Variants in PPARGC1A observed in about 807,000 individuals in gnomAD.
The protein encoded by PPARGC1A is peroxisome proliferator-activated receptor gamma coactivator 1-alpha.
A neutral mutation model predicts 88.7 loss-of-function variants in PPARGC1A; 25 were observed. The observed-to-expected ratio is 0.28, with a 90% CI of 0.21 to 0.39. The LOEUF is 0.39. PPARGC1A is among the 10% of genes least tolerant of loss of function. PPARGC1A has a pLI of 1.00. For missense variants in PPARGC1A, 880 were observed against 968.7 expected (o/e 0.91, Z 1.22); for synonymous variants, 363 against 355.6 (o/e 1.02, Z -0.24).
chr4:24,267,417 C>T, the PPARGC1A span, among the ~76,000 whole-genome samples: 1 of 152,166 alleles, frequency 6.6e-6, no homozygotes, highest in Non-Finnish European at 1.5e-5. Flanking sequence ...AGGTTCCTTC[C>T]CCTTCCCTTT....
At chr4:23,818,442 T>C (rs1034144799) in intron 7 of PPARGC1A, among the ~76,000 whole-genome samples, 54 of 152,302 alleles carry the variant, frequency 3.5e-4, no homozygotes, top group African/African-American at 1.2e-3. Flanking sequence ...AAATGGCTGC[T>C]ATTACCCAGA....
chr4:24,392,783 T>A, the PPARGC1A span, among the ~76,000 whole-genome samples: 1 of 152,266 alleles, frequency 6.6e-6, no homozygotes, highest in East Asian at 1.9e-4. Context: ...TCTGCACACT[T>A]TCCCGTTGCC....
the PPARGC1A span, among the ~76,000 whole-genome samples, chr4:24,274,026 A>G: frequency 6.6e-6 from 1 of 151,732 alleles, no homozygotes; most frequent in Non-Finnish European, 1.5e-5. Context: ...GGAGTGAGCC[A>G]CCGTGCCTGG....
the PPARGC1A span, among the ~76,000 whole-genome samples, chr4:24,245,073 C>A: frequency 6.6e-6 from 1 of 152,162 alleles, no homozygotes; most frequent in Non-Finnish European, 1.5e-5. Context: ...TAGAAACTGA[C>A]AATCTGCAGT....
At chr4:24,041,341 C>T in the PPARGC1A span, among the ~76,000 whole-genome samples, 1 of 152,316 alleles carries the variant, frequency 6.6e-6, no homozygotes, top group African/African-American at 2.4e-5. Flanking sequence ...CCAAAGGCTA[C>T]ACTCCTGAAG....
At chr4:23,950,854 T>C in the PPARGC1A span, among the ~76,000 whole-genome samples, 6 of 152,246 alleles carry the variant, frequency 3.9e-5, no homozygotes, top group East Asian at 7.7e-4. Context: ...CACTTACTGG[T>C]CTAATTTTAC....
chr4:24,026,081 C>T, the PPARGC1A span, among the ~76,000 whole-genome samples: 1 of 152,108 alleles, frequency 6.6e-6, no homozygotes, highest in African/African-American at 2.4e-5. Flanking sequence ...AAATATTTTA[C>T]CTAAAATGAA....
At chr4:24,341,197 T>C in the PPARGC1A span, among the ~76,000 whole-genome samples, 1 of 150,310 alleles carries the variant, frequency 6.7e-6, no homozygotes, top group South Asian at 2.1e-4. Context: ...ACTTTAGCAA[T>C]TAAAAACTTA....
the PPARGC1A span, among the ~76,000 whole-genome samples, chr4:24,280,940 C>T: frequency 2.0e-5 from 3 of 152,194 alleles, no homozygotes; most frequent in African/African-American, 7.2e-5. Context: ...AAGTAATATA[C>T]AACTGAATCA....
chr4:24,309,794 A>G, the PPARGC1A span, among the ~76,000 whole-genome samples: 1 of 152,208 alleles, frequency 6.6e-6, no homozygotes, highest in Non-Finnish European at 1.5e-5. Context: ...CTGCGTGATG[A>G]ATAGTTTGAA....
chr4:24,092,530 C>A, the PPARGC1A span, among the ~76,000 whole-genome samples: 2 of 152,146 alleles, frequency 1.3e-5, no homozygotes, highest in Non-Finnish European at 2.9e-5. Context: ...CTGATGTAAT[C>A]ACTCATCTGA....
the PPARGC1A span, among the ~76,000 whole-genome samples, chr4:24,144,933 G>GT: frequency 1.4e-3 from 210 of 145,276 alleles, 2 homozygotes; most frequent in East Asian, 8.3e-3. Context: ...AACATTTCAG[G>GT]TTTTTTTTTT....
the PPARGC1A span, among the ~76,000 whole-genome samples, chr4:24,044,311 T>G: frequency 6.6e-6 from 1 of 152,206 alleles, no homozygotes; most frequent in African/African-American, 2.4e-5. Flanking sequence ...ATCCTTCGTC[T>G]TTTAAAAGAC....
chr4:23,855,971 A>T (rs1320292216), intron 2 of PPARGC1A, among the ~76,000 whole-genome samples: 16 of 152,258 alleles, frequency 1.1e-4, no homozygotes, highest in Admixed American at 9.8e-4. Flanking sequence ...GTAGACACTT[A>T]ATAAACAATA....
the PPARGC1A span, among the ~76,000 whole-genome samples, chr4:23,964,986 G>A: frequency 6.6e-6 from 1 of 152,128 alleles, no homozygotes; most frequent in Non-Finnish European, 1.5e-5. Flanking sequence ...TAGATAGACT[G>A]GGGCCATCAA....
the PPARGC1A span, among the ~76,000 whole-genome samples, chr4:24,306,601 A>G: frequency 6.6e-6 from 1 of 152,244 alleles, no homozygotes; most frequent in Non-Finnish European, 1.5e-5. Context: ...TTGATTGAAA[A>G]TATTTTAGGT....
the PPARGC1A span, among the ~76,000 whole-genome samples, chr4:24,065,240 C>T: frequency 2.0e-5 from 3 of 152,116 alleles, no homozygotes; most frequent in African/African-American, 7.2e-5. Context: ...TCTGCTCCTC[C>T]AAGCAGGAGA....
At chr4:24,007,922 T>C in the PPARGC1A span, among the ~76,000 whole-genome samples, 1 of 152,162 alleles carries the variant, frequency 6.6e-6, no homozygotes, top group Non-Finnish European at 1.5e-5. Context: ...CGGCTCAGTG[T>C]GCAGCTCTCA....
the PPARGC1A span, among the ~76,000 whole-genome samples, chr4:23,938,601 G>A: frequency 1.2e-4 from 19 of 152,296 alleles, no homozygotes; most frequent in African/African-American, 4.6e-4. Flanking sequence ...AAGATTCACA[G>A]TGTAAAGCAC....
Sources: allele counts gnomAD v4.1 joint callset (sites outside exome capture counted in the v4.1 genomes callset), GRCh38; gene constraint gnomAD v4.1.1; transcripts MANE v1.5; gene names NCBI Gene and HGNC (gene_info 2026-07-23, HGNC 2026-07-21).